Variants in GRM5 observed in about 807,000 individuals in gnomAD.
The protein encoded by GRM5 is metabotropic glutamate receptor 5.
Under a neutral mutation model 83.1 loss-of-function variants are expected in GRM5, and 19 were observed. The observed-to-expected ratio is 0.23, with a 90% confidence interval of 0.16 to 0.34. The LOEUF (loss-of-function observed/expected upper bound fraction) is 0.34. Ranked by LOEUF, GRM5 falls within the 10% of genes least tolerant of loss-of-function variation. The probability of loss-of-function intolerance (pLI) is 1.00; values close to 1 mark genes in which losing one functional copy is unlikely to be tolerated. For missense variants in GRM5, 1,160 were observed against 1,588.3 expected (o/e 0.73, Z 4.58); for synonymous variants, 675 against 633.6 (o/e 1.07, Z -0.98).
At chr11:88,802,544 A>C (rs1320595128) in intron 3 of GRM5, among the ~76,000 whole-genome samples, 1 of 152,198 alleles carries the variant, frequency 6.6e-6, no homozygotes. Flanking sequence ...CCAAAATAAT[A>C]AGAGCTATCT....
At chr11:88,985,959 T>G (rs1302463916) in intron 2 of GRM5, among the ~76,000 whole-genome samples, 3 of 152,168 alleles carry the variant, frequency 2.0e-5, no homozygotes. Context: ...GGCAGTTTCT[T>G]AACAATAATA....
At chr11:88,566,069 A>T (rs569099421) in intron 8 of GRM5, among the ~76,000 whole-genome samples, 1 of 152,340 alleles carries the variant, frequency 6.6e-6, no homozygotes, top group Admixed American at 6.5e-5. Context: ...TGAAATCTAC[A>T]TATCTTCCAT....
At chr11:89,000,826 T>C (rs1940353153) in intron 2 of GRM5, among the ~76,000 whole-genome samples, 3 of 151,816 alleles carry the variant, frequency 2.0e-5, no homozygotes, top group Admixed American at 2.0e-4. Context: ...AGGATTACTA[T>C]CTAGAATATA....
chr11:88,812,333 G>A (rs1404893608), intron 3 of GRM5, among the ~76,000 whole-genome samples: 1 of 152,120 alleles, frequency 6.6e-6, no homozygotes, highest in African/African-American at 2.4e-5. Flanking sequence ...ATATTTGTGA[G>A]AGATGCTCAG....
intron 3 of GRM5, among the ~76,000 whole-genome samples, chr11:88,696,557 G>C (rs1018170539): frequency 6.6e-6 from 1 of 152,176 alleles, no homozygotes; most frequent in African/African-American, 2.4e-5. Context: ...TGTGGTTTAA[G>C]TGAAGTGGTC....
At chr11:88,585,127 C>A (rs761019787) in intron 7 of GRM5, among the ~76,000 whole-genome samples, 6 of 152,168 alleles carry the variant, frequency 3.9e-5, no homozygotes, top group Non-Finnish European at 7.3e-5. Flanking sequence ...CTAAGTTTAC[C>A]TGAGTTTACT....
chr11:89,003,970 G>A (rs1371530894), intron 2 of GRM5, among the ~76,000 whole-genome samples: 1 of 152,160 alleles, frequency 6.6e-6, no homozygotes, highest in Non-Finnish European at 1.5e-5. Context: ...AGCTGAACTG[G>A]AAATATAAGC....
At chr11:88,623,001 G>C (rs575959474) in intron 4 of GRM5, among the ~76,000 whole-genome samples, 1 of 152,158 alleles carries the variant, frequency 6.6e-6, no homozygotes, top group South Asian at 2.1e-4. Flanking sequence ...TATAGGGAAA[G>C]TGTGGGTAAG....
chr11:88,934,319 C>A (rs1482696807), intron 2 of GRM5, among the ~76,000 whole-genome samples: 1 of 151,800 alleles, frequency 6.6e-6, no homozygotes, highest in Non-Finnish European at 1.5e-5. Flanking sequence ...AGGTTAATAA[C>A]TCTTATCTTC....
chr11:88,580,448 T>C (rs1943196220), intron 7 of GRM5, among the ~76,000 whole-genome samples: 1 of 152,210 alleles, frequency 6.6e-6, no homozygotes, highest in Admixed American at 6.5e-5. Flanking sequence ...AATGTAAAAA[T>C]ATCAGTGGCA....
intron 3 of GRM5, among the ~76,000 whole-genome samples, chr11:88,751,067 G>T (rs1447511697): frequency 9.9e-5 from 3 of 30,366 alleles, no homozygotes; most frequent in Non-Finnish European, 1.8e-4. Flanking sequence ...AAAGATAGCA[G>T]AAGCCAAAAA....
chr11:88,758,398 A>G (rs189656258), intron 3 of GRM5, among the ~76,000 whole-genome samples: 2 of 152,318 alleles, frequency 1.3e-5, no homozygotes, highest in East Asian at 3.9e-4. Context: ...AACCAACCCA[A>G]TAGACGTGGA....
intron 6 of GRM5, among the ~76,000 whole-genome samples, chr11:88,593,360 T>A (rs1278704680): frequency 6.6e-6 from 1 of 151,982 alleles, no homozygotes; most frequent in Admixed American, 6.6e-5. Flanking sequence ...AAGCAAATAT[T>A]ATTACAAAAT....
chr11:88,782,359 C>T (rs1191372238), intron 3 of GRM5, among the ~76,000 whole-genome samples: 3 of 152,128 alleles, frequency 2.0e-5, no homozygotes, highest in African/African-American at 7.2e-5. Flanking sequence ...CAAGTCACAT[C>T]TTACATGGGT....
At chr11:88,590,455 T>G (rs1364027783) in intron 7 of GRM5, 146 bp downstream of exon 7, 1 of 646,038 alleles carries the variant, frequency 1.5e-6, no homozygotes, top group Non-Finnish European at 2.7e-6. Context: ...TAGCTCAGAC[T>G]TTGGGAAGCT....
chr11:89,009,826 G>A (rs1343745488), intron 2 of GRM5, among the ~76,000 whole-genome samples: 2 of 146,982 alleles, frequency 1.4e-5, no homozygotes, highest in East Asian at 2.0e-4. Context: ...GCGTGAACCC[G>A]GGAGGCGGAG....
chr11:88,612,795 G>T (rs987339090), intron 4 of GRM5: 4 of 151,756 alleles, frequency 2.6e-5, no homozygotes, highest in Non-Finnish European at 5.9e-5. Flanking sequence ...CATGTCCTTC[G>T]CCCACTTTTA....
intron 3 of GRM5, among the ~76,000 whole-genome samples, chr11:88,772,608 T>C (rs1272818546): frequency 1.3e-5 from 2 of 151,728 alleles, no homozygotes; most frequent in South Asian, 2.1e-4. Flanking sequence ...CAGCCCCCCA[T>C]ACCCCTACAG....
rs554940780 is a variant in GRM5, at chr11:88,577,074, C to T, written c.1691-9082G>A. On this transcript the variant is annotated intron_variant, in intron 7 of 9. Coordinates refer to ENST00000305447, the MANE Select transcript of GRM5 (RefSeq NM_001143831.3). The stretch of plus-strand genomic sequence containing the variant: ...TTTTGCAACCACTCTCCAGGCCCCA[C>T]TATATTCCTTCTGTGTTCCCATATA... Among the ~76,000 whole-genome samples, 4 of 152,206 alleles carry T rather than the reference C, an allele frequency of 2.6e-5. No individual in the cohort carries two copies. In the East Asian group the frequency reaches 7.7e-4, roughly 29 times the overall value.
Sources: gnomAD v4.1 joint callset for allele counts (sites outside exome capture counted in the v4.1 genomes callset) on GRCh38, gnomAD v4.1.1 for gene constraint, MANE v1.5 for transcripts, NCBI Gene and HGNC (gene_info 2026-07-23, HGNC 2026-07-21) for gene names.